The following PRDM2 variants were observed in gnomAD, a reference collection of about 807,000 sequenced individuals.
PRDM2 encodes the protein PR/SET domain 2.
A neutral mutation model predicts 130.0 loss-of-function variants in PRDM2; 30 were observed. The ratio of observed to expected loss-of-function variants is 0.23; its 90% CI spans 0.17 to 0.31. PRDM2 has a LOEUF of 0.31. Ranked by LOEUF, PRDM2 falls within the 10% of genes least tolerant of loss-of-function variation. PRDM2 has a pLI of 1.00. For synonymous variants in PRDM2, 871 were observed against 782.4 expected, an observed-to-expected ratio of 1.11 and a Z score of -1.89; for missense variants, 2,011 against 2,108.4, an observed-to-expected ratio of 0.95 and a Z score of 0.90.
intron 6 of PRDM2, among the ~76,000 whole-genome samples, chr1:13,759,162 CTT>C (rs34840173): frequency 0.034 from 4,723 of 140,832 alleles, 233 homozygotes; most frequent in African/African-American, 0.11. Context: ...TTCCCCTACC[CTT>C]TTTTTTTTTT....
chr1:13,778,319 T>C (rs779933150), intron 7 of PRDM2, 99 bp from the exon 8 acceptor site: 79 of 1,217,954 alleles, frequency 6.5e-5, no homozygotes, highest in Non-Finnish European at 8.6e-5. Flanking sequence ...CCTTATGTTT[T>C]AGGTGGTAAG....
At chr1:13,762,373 C>G (rs1644120129) in intron 6 of PRDM2, among the ~76,000 whole-genome samples, 1 of 152,238 alleles carries the variant, frequency 6.6e-6, no homozygotes, top group Admixed American at 6.5e-5. Flanking sequence ...CACCACCACA[C>G]TGGGGAAGGG....
At chr1:13,722,964 CTCT>C (rs1369870735) in intron 2 of PRDM2, 1 of 416,270 alleles carries the variant, frequency 2.4e-6, no homozygotes, top group Non-Finnish European at 4.8e-6. Context: ...TGCCCAAACC[CTCT>C]TGTGTCATCC....
At position 13,781,788 on chromosome 1, in the gene PRDM2, C is replaced by G. The variant is rs140013471; in HGVS notation, c.3993C>G (p.Thr1331=). Residue 1331 remains threonine, a synonymous_variant, in exon 8 of 10, where the codon ACC becomes ACG. Coordinates refer to ENST00000311066, the MANE Select transcript of PRDM2 (RefSeq NM_001393986.1). The surrounding 1 kb of genome is among the most constrained non-coding windows in gnomAD (Gnocchi z 6.1). The part of the protein sequence containing the change: ...TTHNIPQTFT[T]AIRCTKCGKG... ...ACAATATTCCACAGACTTTCACTAC[C>G]GCCATTCGCTGCACAAAGTGTGGAA... 2.5e-6 allele frequency: 4 copies of G among 1,614,166 alleles called. No individual in the cohort carries two copies.
Position 13,778,723 on chromosome 1 carries a change from A to T in PRDM2, c.928A>T (p.Ile310Leu). 2 of 1,614,246 alleles carry T rather than the reference A, an allele frequency of 1.2e-6. No homozygotes were observed. Among genetic ancestry groups the T allele is most frequent in the East Asian group, 4.5e-5 (2 of 44,890 alleles). The change falls in exon 8 of 10, where the codon ATA becomes TTA. Residue 310 changes from isoleucine to leucine, a missense_variant. By Grantham distance (5) the Ile-to-Leu change is conservative. Coordinates refer to ENST00000311066, the MANE Select transcript of PRDM2 (RefSeq NM_001393986.1). ...PNENSVKEPEIRCDEKPEDLL... is the reference protein window; with the variant it reads ...PNENSVKEPELRCDEKPEDLL... The stretch of plus-strand genomic sequence containing the variant: ...TGAAAATTCTGTGAAAGAGCCAGAA[A>T]TACGGTGTGATGAGAAGCCAGAAGA...
rs74365611 is a variant in PRDM2, at chr1:13,816,075, T to G, written c.5037-352T>G. 2.1e-3 allele frequency among the ~76,000 whole-genome samples: 315 copies of G among 152,320 alleles called. 4 individuals carry two copies. The highest frequency in any genetic ancestry group is 7.4e-3 in the African/African-American group (307 of 41,568). On this transcript the variant is annotated intron_variant, in intron 8 of 9. Transcript: ENST00000311066. The stretch of plus-strand genomic sequence containing the variant: ...TCAGAGAAGGGCACAGCCGCTGTTC[T>G]GATGCAATCGGAGTCATTCTGGCTC...
intron 4 of PRDM2, among the ~76,000 whole-genome samples, chr1:13,733,998 A>G (rs1418117654): frequency 3.3e-5 from 5 of 152,124 alleles, no homozygotes; most frequent in South Asian, 2.1e-4. Flanking sequence ...GTATGCTGCT[A>G]TTTTTCTTTA....
chr1:13,816,793 A>G (rs1645265573), intron 9 of PRDM2, among the ~76,000 whole-genome samples: 1 of 152,200 alleles, frequency 6.6e-6, no homozygotes, highest in African/African-American at 2.4e-5. Context: ...TACGAACTTC[A>G]AGCAAGTTAC....
At chr1:13,754,170 C>T (rs939956043) in intron 6 of PRDM2, among the ~76,000 whole-genome samples, 4 of 152,086 alleles carry the variant, frequency 2.6e-5, no homozygotes, top group Admixed American at 2.6e-4. Context: ...CAGTTCTACT[C>T]ATGTAGAAAC....
chr1:13,719,304 A>C (rs1292736200), intron 2 of PRDM2, among the ~76,000 whole-genome samples: 4 of 152,216 alleles, frequency 2.6e-5, no homozygotes, highest in Admixed American at 2.6e-4. Flanking sequence ...AGTAGTACAA[A>C]GACCCTGAAG....
intron 5 of PRDM2, among the ~76,000 whole-genome samples, chr1:13,746,264 G>A (rs1249384105): frequency 6.6e-6 from 1 of 151,212 alleles, no homozygotes; most frequent in Non-Finnish European, 1.5e-5. Flanking sequence ...TTTTAATGTG[G>A]ATTTATATTT....
intron 8 of PRDM2, among the ~76,000 whole-genome samples, chr1:13,799,079 CAG>C (rs1468426253): frequency 1.3e-5 from 2 of 152,164 alleles, no homozygotes; most frequent in Admixed American, 6.5e-5. Flanking sequence ...CAGGCAAACA[CAG>C]AGGTCTCCGC....
rs751500048 is a variant in PRDM2 at position 13,780,481 on chromosome 1, T to G, written c.2686T>G (p.Tyr896Asp). ...GCTGCAGAAGGTTCTTCTCAATGAA[T>G]ATAATGGCATCGATTTACCTGTAGA... ...CMLQKVLLNE[Y>D]NGIDLPVENP... Residue 896 changes from tyrosine (Y) to aspartate (D), a missense_variant, in exon 8 of 10, where the codon TAT becomes GAT. Tyr to Asp is a radical substitution (Grantham distance 160, BLOSUM62 -3). Coordinates refer to ENST00000311066, the MANE Select transcript of PRDM2 (RefSeq NM_001393986.1). 1.9e-6 allele frequency: 3 copies of G among 1,614,074 alleles called. No individual in the cohort carries two copies. The East Asian group carries it at 6.7e-5, about 36-fold the overall frequency.
At chr1:13,736,524 TTTA>T (rs1437740887) in intron 4 of PRDM2, among the ~76,000 whole-genome samples, 2 of 152,238 alleles carry the variant, frequency 1.3e-5, no homozygotes, top group Non-Finnish European at 2.9e-5. Flanking sequence ...TTTTAATGTT[TTTA>T]TGATTATAAA....
chr1:13,748,149 A>T (rs957697631), intron 5 of PRDM2, among the ~76,000 whole-genome samples: 1 of 152,224 alleles, frequency 6.6e-6, no homozygotes. Flanking sequence ...TTTTCTGTGC[A>T]TCGTATCAGG....
At chr1:13,814,798 G>T (rs999159796) in intron 8 of PRDM2, among the ~76,000 whole-genome samples, 5 of 152,154 alleles carry the variant, frequency 3.3e-5, no homozygotes, top group African/African-American at 4.8e-5. Context: ...GCAAACACCT[G>T]GAGCAGGTAG....
chr1:13,704,222 G>T (rs1463911035), intron 1 of PRDM2, among the ~76,000 whole-genome samples: 1 of 152,234 alleles, frequency 6.6e-6, no homozygotes, highest in Non-Finnish European at 1.5e-5. Context: ...TCACTGGAAT[G>T]AATGCATGTG....
At chr1:13,746,572 T>A (rs541876729) in intron 5 of PRDM2, among the ~76,000 whole-genome samples, 8 of 137,566 alleles carry the variant, frequency 5.8e-5, no homozygotes, top group East Asian at 2.0e-4. Context: ...TTATTTATTT[T>A]TTAAGATAGG....
chr1:13,724,497 C>CTTTTTT (rs749027235), intron 2 of PRDM2, among the ~76,000 whole-genome samples: 1 of 129,772 alleles, frequency 7.7e-6, no homozygotes, highest in East Asian at 2.2e-4. Flanking sequence ...CTTTTCATGG[C>CTTTTTT]TTTTTTTTTT....
Sources: gnomAD v4.1 joint callset for allele counts (sites outside exome capture counted in the v4.1 genomes callset) on GRCh38, gnomAD v4.1.1 for gene constraint, Gnocchi (gnomAD v3.1) non-coding constraint, MANE v1.5 for transcripts, NCBI Gene and HGNC (gene_info 2026-07-23, HGNC 2026-07-21) for gene names.